The following USP32 variants were observed in gnomAD, a reference collection of about 807,000 sequenced individuals.
USP32 encodes ubiquitin specific peptidase 32.
USP32 carries 59 observed loss-of-function variants against 204.8 expected under a neutral mutation model. The observed-to-expected ratio is 0.29, with a 90% CI of 0.23 to 0.36. USP32 has a LOEUF of 0.36. Among genes scored for constraint, USP32 ranks in the 10% least tolerant of loss-of-function variants. The probability of loss-of-function intolerance (pLI) is 1.00; values close to 1 mark genes in which losing one functional copy is unlikely to be tolerated. For synonymous variants in USP32, 517 were observed against 678.4 expected (o/e 0.76, Z 3.70); for missense variants, 1,160 against 1,946.4 (o/e 0.60, Z 7.60).
At chr17:60,193,109 CT>C (rs1304541902) in intron 27 of USP32, among the ~76,000 whole-genome samples, 179 bp from the exon 28 acceptor site, 2 of 152,228 alleles carry the variant, frequency 1.3e-5, no homozygotes, top group African/African-American at 4.8e-5. Flanking sequence ...CAAATACACT[CT>C]GGCTTCCCAT....
chr17:60,409,793 G>T (rs1480749172), intron 1 of USP32, among the ~76,000 whole-genome samples: 1 of 151,952 alleles, frequency 6.6e-6, no homozygotes, highest in Non-Finnish European at 1.5e-5. Flanking sequence ...AATTGTCTTG[G>T]ACCACACATA....
At chr17:60,193,992 C>G (rs1193690850) in intron 27 of USP32, among the ~76,000 whole-genome samples, 1 of 152,114 alleles carries the variant, frequency 6.6e-6, no homozygotes, top group Non-Finnish European at 1.5e-5. Context: ...CCTTTTTGCT[C>G]TAACTGAATG....
intron 16 of USP32, among the ~76,000 whole-genome samples, chr17:60,216,330 C>T (rs374138818): frequency 0.049 from 6,986 of 143,758 alleles, 744 homozygotes; most frequent in African/African-American, 0.18. Context: ...TGGTTAACTA[C>T]TCCGCCAAAA....
At chr17:60,344,557 C>G (rs1396744197) in intron 2 of USP32, among the ~76,000 whole-genome samples, 2 of 152,170 alleles carry the variant, frequency 1.3e-5, no homozygotes, top group African/African-American at 4.8e-5. Context: ...TCAAGCAATC[C>G]TCCTACTTCA....
intron 1 of USP32, among the ~76,000 whole-genome samples, chr17:60,381,444 A>G (rs1289444739): frequency 1.3e-5 from 2 of 151,722 alleles, no homozygotes; most frequent in East Asian, 1.9e-4. Flanking sequence ...CTGTCTCAAA[A>G]AAAAAAAAAA....
chr17:60,188,566 G>A (rs1244378080), intron 29 of USP32, among the ~76,000 whole-genome samples: 2 of 152,102 alleles, frequency 1.3e-5, no homozygotes, highest in African/African-American at 4.8e-5. Context: ...TTCAACAACC[G>A]CATTATATTT....
At chr17:60,368,586 T>C (rs2089364974) in intron 1 of USP32, among the ~76,000 whole-genome samples, 1 of 151,482 alleles carries the variant, frequency 6.6e-6, no homozygotes. Context: ...AAACCAAGAA[T>C]ATTACCAAAA....
intron 12 of USP32, among the ~76,000 whole-genome samples, chr17:60,228,127 T>A (rs530133469): frequency 1.3e-5 from 2 of 151,970 alleles, no homozygotes; most frequent in South Asian, 4.2e-4. Context: ...TAGCTTCAAA[T>A]GATTCTCCTG....
chr17:60,275,624 C>A (rs2086821926), intron 5 of USP32, among the ~76,000 whole-genome samples: 1 of 151,898 alleles, frequency 6.6e-6, no homozygotes, highest in South Asian at 2.1e-4. Context: ...ATTTATTTTT[C>A]CTGTTAGGTC....
chr17:60,296,950 T>TC (rs1175097936), intron 3 of USP32, among the ~76,000 whole-genome samples: 1 of 152,136 alleles, frequency 6.6e-6, no homozygotes, highest in Non-Finnish European at 1.5e-5. Context: ...TCTCATTATA[T>TC]CCAATCCCTT....
chr17:60,325,335 T>C (rs1183190159), intron 2 of USP32, among the ~76,000 whole-genome samples: 1 of 152,018 alleles, frequency 6.6e-6, no homozygotes, highest in Non-Finnish European at 1.5e-5. Context: ...GGAGAATCTC[T>C]TGAACCTGGG....
At chr17:60,383,588 A>G (rs2089682466) in intron 1 of USP32, among the ~76,000 whole-genome samples, 1 of 152,264 alleles carries the variant, frequency 6.6e-6, no homozygotes, top group Admixed American at 6.5e-5. Flanking sequence ...ATACCACTTC[A>G]TATGAGGTGA....
At chr17:60,357,607 A>T (rs1002314186) in intron 1 of USP32, among the ~76,000 whole-genome samples, 1 of 152,218 alleles carries the variant, frequency 6.6e-6, no homozygotes, top group Non-Finnish European at 1.5e-5. Flanking sequence ...CCAATTCCTT[A>T]TACAAAAGGA....
rs1393673357 is a variant in USP32 at position 60,205,444 on chromosome 17, A to C, written c.3249+3T>G. ...GCAGTGAGTTGCCTAACATTTAACT[A>C]ACCATTTTTCGGTGGACTGCAATGA... On this transcript the variant is annotated splice_donor_region_variant and intron_variant, in intron 26 of 33. Coordinates refer to ENST00000300896, the MANE Select transcript of USP32 (RefSeq NM_032582.4). 1 of 1,606,680 alleles carries C rather than the reference A, an allele frequency of 6.2e-7. No homozygotes were observed. Among genetic ancestry groups the C allele is most frequent in the East Asian group, 2.2e-5 (1 of 44,736 alleles).
At chr17:60,345,651 A>C in intron 1 of USP32, 43 bp from the exon 2 acceptor site, 1 of 1,612,246 alleles carries the variant, frequency 6.2e-7, no homozygotes, top group Non-Finnish European at 8.5e-7. Context: ...TCAGGAGAGA[A>C]AAGAGGTGTC....
At chr17:60,323,118 C>T (rs2088152106) in intron 2 of USP32, among the ~76,000 whole-genome samples, 1 of 152,054 alleles carries the variant, frequency 6.6e-6, no homozygotes, top group African/African-American at 2.4e-5. Context: ...TGAAGAGTTC[C>T]ATATGACCCA....
At chr17:60,387,688 CA>C (rs1357582291) in intron 1 of USP32, among the ~76,000 whole-genome samples, 1 of 152,070 alleles carries the variant, frequency 6.6e-6, no homozygotes, top group Non-Finnish European at 1.5e-5. Flanking sequence ...GATTACCTCC[CA>C]ATAAACCCAT....
rs115721966 is a variant in USP32 at position 60,364,542 on chromosome 17, A to T, written c.59-18934T>A. ...TAGGTGCGCGCCACCATGCCTGGCT[A>T]ATTTTTCTATTTTTAGTAGAGACAG... On this transcript the variant is annotated intron_variant, in intron 1 of 33. Coordinates refer to ENST00000300896, the MANE Select transcript of USP32 (RefSeq NM_032582.4). Among the ~76,000 whole-genome samples the T allele has an allele frequency of 9.5e-3, 1,445 of 152,190 alleles. 33 individuals carry two copies. The highest frequency in any genetic ancestry group is 0.033 in the African/African-American group (1,389 of 41,524).
At chr17:60,234,199 C>T (rs1256637878) in intron 12 of USP32, among the ~76,000 whole-genome samples, 1 of 151,196 alleles carries the variant, frequency 6.6e-6, no homozygotes, top group Non-Finnish European at 1.5e-5. Context: ...CTGCAAGCTC[C>T]GCCTCCCGGG....
Sources: gnomAD v4.1 joint callset for allele counts (sites outside exome capture counted in the v4.1 genomes callset) on GRCh38, gnomAD v4.1.1 for gene constraint, MANE v1.5 for transcripts, NCBI Gene and HGNC (gene_info 2026-07-23, HGNC 2026-07-21) for gene names.